The following ADAMTS12 variants were observed in gnomAD, a reference collection of about 807,000 sequenced individuals.
ADAMTS12 encodes the protein A disintegrin and metalloproteinase with thrombospondin motifs 12.
In ADAMTS12, 118 loss-of-function variants were observed where a neutral mutation model predicts 167.8. The observed-to-expected ratio is 0.70, with a 90% confidence interval of 0.61 to 0.82. The LOEUF (loss-of-function observed/expected upper bound fraction) is 0.82. ADAMTS12 is among the 40% of genes least tolerant of loss of function. ADAMTS12 has a pLI of 0.00. For synonymous variants in ADAMTS12, 704 were observed against 716.9 expected (o/e 0.98, Z 0.29); for missense variants, 1,916 against 1,998.8 (o/e 0.96, Z 0.79).
At chr5:33,754,102 G>C (rs1348670389) in intron 2 of ADAMTS12, among the ~76,000 whole-genome samples, 2 of 151,998 alleles carry the variant, frequency 1.3e-5, no homozygotes, top group Non-Finnish European at 2.9e-5. Flanking sequence ...TACCCAGGTG[G>C]GCCCAGTTTA....
Position 33,844,646 on chromosome 5 carries a change from C to T in ADAMTS12, c.489+36473G>A, listed in dbSNP as rs187224985. Among the ~76,000 whole-genome samples, 661 of 152,298 alleles carry T rather than the reference C, an allele frequency of 4.3e-3. 6 individuals are homozygous for T. Among genetic ancestry groups the T allele is most frequent in the African/African-American group, 0.015 (640 of 41,562 alleles). ...TTCATTAGCAATTTTAATTTTGCCC[C>T]GGTCCTGTGGTCCCATGATCTCGCC... is the stretch of plus-strand genomic sequence containing the variant. On this transcript the variant is annotated intron_variant, in intron 2 of 23. Transcript: ENST00000504830.
intron 1 of ADAMTS12, among the ~76,000 whole-genome samples, chr5:33,888,380 G>T (rs1750716092): frequency 6.6e-6 from 1 of 152,142 alleles, no homozygotes; most frequent in Non-Finnish European, 1.5e-5. Context: ...CCTCAAAATT[G>T]TAAAGTATGC....
chr5:33,621,219 G>A (rs1739309474), intron 14 of ADAMTS12, among the ~76,000 whole-genome samples: 1 of 151,960 alleles, frequency 6.6e-6, no homozygotes, highest in Admixed American at 6.6e-5. Context: ...CCAATATGGT[G>A]AAACTCCATT....
chr5:33,568,461 C>A (rs765851543), intron 19 of ADAMTS12, among the ~76,000 whole-genome samples: 7 of 152,120 alleles, frequency 4.6e-5, no homozygotes, highest in Admixed American at 2.0e-4. Flanking sequence ...GTTAAATTGT[C>A]AATTGGTGCT....
intron 18 of ADAMTS12, among the ~76,000 whole-genome samples, chr5:33,587,203 G>T (rs1257898969): frequency 6.6e-6 from 1 of 152,054 alleles, no homozygotes; most frequent in Non-Finnish European, 1.5e-5. Context: ...CTTTCAAATA[G>T]GTATCTTCAG....
At chr5:33,573,056 C>T (rs1746474945) in intron 19 of ADAMTS12, among the ~76,000 whole-genome samples, 1 of 152,044 alleles carries the variant, frequency 6.6e-6, no homozygotes, top group African/African-American at 2.4e-5. Flanking sequence ...CCTGAAGGAC[C>T]TCTTCAAGGA....
At chr5:33,723,606 T>C (rs1743877346) in intron 3 of ADAMTS12, among the ~76,000 whole-genome samples, 1 of 152,148 alleles carries the variant, frequency 6.6e-6, no homozygotes, top group Non-Finnish European at 1.5e-5. Flanking sequence ...GCTAAGTCAC[T>C]TATCTTCTCT....
At chr5:33,780,366 A>G (rs950355509) in intron 2 of ADAMTS12, among the ~76,000 whole-genome samples, 2 of 152,166 alleles carry the variant, frequency 1.3e-5, no homozygotes, top group African/African-American at 2.4e-5. Flanking sequence ...TTTTGACACT[A>G]GAATTCTGAT....
intron 7 of ADAMTS12, among the ~76,000 whole-genome samples, chr5:33,657,691 C>G (rs1468764355): frequency 6.6e-6 from 1 of 152,130 alleles, no homozygotes; most frequent in Non-Finnish European, 1.5e-5. Flanking sequence ...TCCATGTCCT[C>G]CTTTAATAAA....
intron 13 of ADAMTS12, among the ~76,000 whole-genome samples, chr5:33,625,073 C>T (rs1739518993): frequency 2.0e-5 from 3 of 152,114 alleles, no homozygotes. Flanking sequence ...CAGTCAACAG[C>T]CTTGAACTCT....
At chr5:33,609,158 C>T (rs1468020409) in intron 16 of ADAMTS12, among the ~76,000 whole-genome samples, 13 of 151,966 alleles carry the variant, frequency 8.6e-5, no homozygotes, top group Admixed American at 8.5e-4. Context: ...ATTGATTATT[C>T]CTAAGGAAAC....
chr5:33,546,679 G>A (rs1039182114), intron 21 of ADAMTS12, among the ~76,000 whole-genome samples: 1 of 152,192 alleles, frequency 6.6e-6, no homozygotes, highest in African/African-American at 2.4e-5. Flanking sequence ...TGCATTGGCT[G>A]TTAACACTCA....
chr5:33,825,034 T>A (rs1179305783), intron 2 of ADAMTS12, among the ~76,000 whole-genome samples: 1 of 152,170 alleles, frequency 6.6e-6, no homozygotes, highest in Non-Finnish European at 1.5e-5. Context: ...ATCGTGTGAA[T>A]GAGAAATAAA....
chr5:33,819,204 T>C (rs772181128), intron 2 of ADAMTS12, among the ~76,000 whole-genome samples: 37 of 152,150 alleles, frequency 2.4e-4, no homozygotes, highest in Non-Finnish European at 2.8e-4. Context: ...TTATCTTCCA[T>C]GAGTTTTATG....
chr5:33,882,032 A>G (rs1435731286), intron 1 of ADAMTS12, among the ~76,000 whole-genome samples: 6 of 152,198 alleles, frequency 3.9e-5, no homozygotes. Context: ...GAGACACATT[A>G]AGATGGGAAT....
chr5:33,786,646 AGTCT>A (rs1276788086), intron 2 of ADAMTS12, among the ~76,000 whole-genome samples: 1 of 152,164 alleles, frequency 6.6e-6, no homozygotes, highest in Non-Finnish European at 1.5e-5. Flanking sequence ...GGGTCCTAGG[AGTCT>A]GTTTTCAATA....
intron 3 of ADAMTS12, among the ~76,000 whole-genome samples, chr5:33,696,293 C>T (rs1371550730): frequency 2.6e-5 from 4 of 151,196 alleles, no homozygotes; most frequent in South Asian, 4.2e-4. Context: ...CGGTGGCGGG[C>T]GCCTGTAGTC....
intron 2 of ADAMTS12, among the ~76,000 whole-genome samples, chr5:33,867,797 C>A (rs1423240739): frequency 6.6e-6 from 1 of 152,078 alleles, no homozygotes. Context: ...ATCAATTATA[C>A]TAAGTCAAAT....
chr5:33,596,107 C>T, intron 16 of ADAMTS12, 47 bp from the exon 17 acceptor site: 1 of 1,607,514 alleles, frequency 6.2e-7, no homozygotes, highest in Non-Finnish European at 8.5e-7. Flanking sequence ...CCTGAGCCCA[C>T]ATGCTCATGG....
Sources: allele counts gnomAD v4.1 joint callset (sites outside exome capture counted in the v4.1 genomes callset), GRCh38; gene constraint gnomAD v4.1.1; transcripts MANE v1.5; gene names NCBI Gene and HGNC (gene_info 2026-07-23, HGNC 2026-07-21).